Variants in FAM204A observed in about 807,000 individuals in gnomAD.
The protein encoded by FAM204A is family with sequence similarity 204 member A.
A neutral mutation model predicts 35.4 loss-of-function variants in FAM204A; 16 were observed. The ratio of observed to expected loss-of-function variants is 0.45; its 90% confidence interval spans 0.31 to 0.69. The LOEUF is 0.69. Among genes scored for constraint, FAM204A ranks in the 30% least tolerant of loss-of-function variants. FAM204A has a pLI of 0.07. For missense variants in FAM204A, 240 were observed against 265.7 expected (o/e 0.90, Z 0.67); for synonymous variants, 76 against 86.9 (o/e 0.88, Z 0.70).
intron 7 of FAM204A, among the ~76,000 whole-genome samples, chr10:118,325,188 A>G (rs966128857): frequency 6.6e-6 from 1 of 152,210 alleles, no homozygotes. Flanking sequence ...GACAAAACGA[A>G]AAACGCAAAA....
intron 7 of FAM204A, among the ~76,000 whole-genome samples, chr10:118,320,849 G>A (rs1846102862): frequency 6.6e-6 from 1 of 151,352 alleles, no homozygotes; most frequent in Non-Finnish European, 1.5e-5. Flanking sequence ...ATCACAACAG[G>A]AGCACACTAA....
At chr10:118,318,431 G>A (rs181445955) in intron 7 of FAM204A, among the ~76,000 whole-genome samples, 1 of 151,884 alleles carries the variant, frequency 6.6e-6, no homozygotes, top group Non-Finnish European at 1.5e-5. Flanking sequence ...TTCAAATGGA[G>A]ATATTAAATT....
In FAM204A at chr10:118,332,548, A is replaced by T. The variant is rs74164043; in HGVS notation, c.453+2566T>A. On this transcript the variant is annotated intron_variant, in intron 6 of 8. Coordinates refer to ENST00000369183, the MANE Select transcript of FAM204A (RefSeq NM_022063.3). ...CACATCCTAATGCCCCTCCCTCCAC[A>T]TCCCTATGCCCCTCCCTCCACCCAC... Among the ~76,000 whole-genome samples, 326 of 109,016 alleles carry T rather than the reference A, an allele frequency of 3.0e-3. 2 individuals are homozygous for T. The highest frequency in any genetic ancestry group is 9.7e-3 in the African/African-American group (306 of 31,586). 71.5% of individuals were successfully genotyped at this position (109,016 alleles called of 152,430 possible). A position where few individuals can be genotyped will look rare whatever the true frequency, so the allele number is the denominator to read the frequency against.
In FAM204A at chr10:118,311,331, G is replaced by GTA; in HGVS notation, c.544-19_544-18insTA. On this transcript the variant is annotated intron_variant, in intron 7 of 8. Transcript: ENST00000369183. ...ACACCAAGCTAAGAATTACAAAGGA[G>GTA]AAAAAAAAAGTGAAAATAAATATTC... The GTA allele has an allele frequency of 7.4e-7, 1 of 1,348,142 alleles. No homozygotes were observed. 83.5% of individuals were successfully genotyped at this position (1,348,142 alleles called of 1,614,324 possible).
chr10:118,317,561 G>A (rs888043698), intron 7 of FAM204A, among the ~76,000 whole-genome samples: 1 of 151,888 alleles, frequency 6.6e-6, no homozygotes, highest in Admixed American at 6.6e-5. Flanking sequence ...CTAAAAACCT[G>A]AGAGAAAAAA....
intron 7 of FAM204A, among the ~76,000 whole-genome samples, chr10:118,323,443 T>C (rs1276813272): frequency 2.0e-5 from 3 of 152,156 alleles, no homozygotes; most frequent in African/African-American, 4.8e-5. Flanking sequence ...TCACTAGTAA[T>C]GCACTTAAGT....
rs573601891 is a variant in FAM204A, at chr10:118,307,101, A to C, written c.*3756T>G. The stretch of plus-strand genomic sequence containing the variant: ...ACTTTCTAGCATAAAGTCACCCACT[A>C]ATTTAAATTTGAAAACCTAGATACT... On this transcript the variant is annotated 3_prime_UTR_variant, in exon 9 of 9. Transcript: ENST00000369183. 6.6e-6 allele frequency: 1 copy of C among 152,316 alleles called. No individual in the cohort carries two copies. Among genetic ancestry groups the C allele is most frequent in the African/African-American group, 2.4e-5 (1 of 41,572 alleles). 9.4% of individuals were successfully genotyped at this position (152,316 alleles called of 1,614,324 possible). A position where few individuals can be genotyped will look rare whatever the true frequency, so the allele number is the denominator to read the frequency against.
intron 6 of FAM204A, 156 bp from the exon 7 acceptor site, chr10:118,326,399 C>T (rs1407260899): frequency 3.1e-6 from 2 of 639,504 alleles, no homozygotes; most frequent in East Asian, 2.9e-5. Flanking sequence ...CCCATTAGTA[C>T]CAGAAGGCTG....
intron 6 of FAM204A, among the ~76,000 whole-genome samples, chr10:118,334,656 C>T (rs1419086777): frequency 3.3e-5 from 5 of 152,182 alleles, no homozygotes; most frequent in Non-Finnish European, 7.4e-5. Flanking sequence ...AGGTCCTACA[C>T]AATTTGGTCA....
chr10:118,327,540 T>C (rs1453861334), intron 6 of FAM204A, among the ~76,000 whole-genome samples: 3 of 152,196 alleles, frequency 2.0e-5, no homozygotes, highest in Non-Finnish European at 4.4e-5. Context: ...CCACTCATTC[T>C]TGTCCTGTGA....
chr10:118,302,090 ATGT>A lies in FAM204A; in HGVS notation c.*8764_*8766del, dbSNP rs1308171094. ...CTTGCATCTCTATATTTCCTAGGTG[ATGT>A]TGTGTGACACTGCAGAGTCTGCTTA... On this transcript the variant is annotated 3_prime_UTR_variant, in exon 9 of 9. Coordinates refer to ENST00000369183, the MANE Select transcript of FAM204A (RefSeq NM_022063.3). The A allele has an allele frequency of 6.6e-6, 1 of 152,250 alleles. No individual in the cohort carries two copies. The highest frequency in any genetic ancestry group is 1.9e-4 in the East Asian group (1 of 5,192). 9.4% of individuals were successfully genotyped at this position (152,250 alleles called of 1,614,324 possible). A position where few individuals can be genotyped will look rare whatever the true frequency, so the allele number is the denominator to read the frequency against.
rs12572566 is a variant in FAM204A at position 118,315,149 on chromosome 10, T to C, written c.544-3836A>G. On this transcript the variant is annotated intron_variant, in intron 7 of 8. Transcript: ENST00000369183. ...AACCTCAAGCAAATGCACGGCGACATTTTTTTAATTCCTTTCAATTTTACA... is the reference window on the plus strand; with the variant it reads ...AACCTCAAGCAAATGCACGGCGACACTTTTTTAATTCCTTTCAATTTTACA... Among the ~76,000 whole-genome samples the C allele has an allele frequency of 1.9e-4, 29 of 152,220 alleles. No homozygotes were observed. The East Asian group carries it at 4.8e-3, about 25-fold the overall frequency.
intron 2 of FAM204A, 100 bp from the exon 3 acceptor site, chr10:118,336,523 T>C (rs2133293442): frequency 8.9e-7 from 1 of 1,120,774 alleles, no homozygotes; most frequent in Non-Finnish European, 1.2e-6. Flanking sequence ...ATAACAATGG[T>C]TTGGGAACAG....
At chr10:118,316,733 TATC>T (rs1326707339) in intron 7 of FAM204A, among the ~76,000 whole-genome samples, 1 of 152,150 alleles carries the variant, frequency 6.6e-6, no homozygotes. Flanking sequence ...TATATCCACA[TATC>T]ATTCATATAT....
Position 118,303,743 on chromosome 10 carries a change from C to G in FAM204A, c.*7114G>C, listed in dbSNP as rs1176607210. The G allele has an allele frequency of 6.6e-6, 1 of 152,316 alleles. No homozygotes were observed. Among genetic ancestry groups the G allele is most frequent in the East Asian group, 1.9e-4 (1 of 5,186 alleles). The allele number at this position is 152,316 out of a possible 1,614,324, so 9.4% of individuals were successfully genotyped here. On this transcript the variant is annotated 3_prime_UTR_variant, in exon 9 of 9. Coordinates refer to ENST00000369183, the MANE Select transcript of FAM204A (RefSeq NM_022063.3). ...AGGAGAATTGCTTGAACCTGGGAAGCAGAGGTTGAAGTGAGCTGAGATGAC... is the reference window on the plus strand; with the variant it reads ...AGGAGAATTGCTTGAACCTGGGAAGGAGAGGTTGAAGTGAGCTGAGATGAC...
At position 118,336,410 on chromosome 10, in the gene FAM204A, C is replaced by A; in HGVS notation, c.6G>T (p.Trp2Cys). ...TTAGGCCAGGAGGTAGCAGCCCACTCCACATCTTTTCTTCTATGAGGAAAA... is the reference window on the plus strand; with the variant it reads ...TTAGGCCAGGAGGTAGCAGCCCACTACACATCTTTTCTTCTATGAGGAAAA... M[W>C]SGLLPPGLNE... Residue 2 changes from tryptophan to cysteine, a missense_variant, in exon 3 of 9, where the codon TGG becomes TGT. By Grantham distance (215) the Trp-to-Cys change is radical. Coordinates refer to ENST00000369183, the MANE Select transcript of FAM204A (RefSeq NM_022063.3). The A allele has an allele frequency of 1.2e-6, 2 of 1,607,766 alleles. No individual in the cohort carries two copies. The highest frequency in any genetic ancestry group is 1.7e-6 in the Non-Finnish European group (2 of 1,177,648).
intron 5 of FAM204A, 49 bp downstream of exon 5, chr10:118,335,347 C>A: frequency 6.4e-7 from 1 of 1,572,560 alleles, no homozygotes; most frequent in South Asian, 1.2e-5. Flanking sequence ...ATTAGTTCAA[C>A]AATTTCTACA....
Position 118,298,285 on chromosome 10 carries a change from G to A in FAM204A, c.*12572C>T, listed in dbSNP as rs532908063. ...TTTAAAAAGATAGGTTGTGTGCATG[G>A]TACATGACAGGCTAGCAGTAACTCC... On this transcript the variant is annotated 3_prime_UTR_variant, in exon 9 of 9. Coordinates refer to ENST00000369183, the MANE Select transcript of FAM204A (RefSeq NM_022063.3). 2 of 152,294 alleles carry A rather than the reference G, an allele frequency of 1.3e-5. No individual in the cohort carries two copies. Among genetic ancestry groups the A allele is most frequent in the African/African-American group, 2.4e-5 (1 of 41,562 alleles). 9.4% of individuals were successfully genotyped at this position (152,294 alleles called of 1,614,324 possible). A position where few individuals can be genotyped will look rare whatever the true frequency, so the allele number is the denominator to read the frequency against.
rs1304488711 is a variant in FAM204A, at chr10:118,298,544, A to G, written c.*12313T>C. On this transcript the variant is annotated 3_prime_UTR_variant, in exon 9 of 9. Coordinates refer to ENST00000369183, the MANE Select transcript of FAM204A (RefSeq NM_022063.3). ...ATACCATGATCTTAGCTATCTGCAAAGCTGACCAGGGCTAGAACTCCATTT... is the reference window on the plus strand; with the variant it reads ...ATACCATGATCTTAGCTATCTGCAAGGCTGACCAGGGCTAGAACTCCATTT... The G allele has an allele frequency of 6.6e-6, 1 of 152,204 alleles. No homozygotes were observed. Among genetic ancestry groups the G allele is most frequent in the African/African-American group, 2.4e-5 (1 of 41,438 alleles). The allele number at this position is 152,204 out of a possible 1,614,324, so 9.4% of individuals were successfully genotyped here. A position where few individuals can be genotyped will look rare whatever the true frequency, so the allele number is the denominator to read the frequency against.
Sources: allele counts gnomAD v4.1 joint callset (sites outside exome capture counted in the v4.1 genomes callset), GRCh38; gene constraint gnomAD v4.1.1; transcripts MANE v1.5; gene names NCBI Gene and HGNC (gene_info 2026-07-23, HGNC 2026-07-21).